Variants in GATAD2A observed in about 807,000 individuals in gnomAD.
GATAD2A encodes GATA zinc finger domain containing 2A, also known as transcriptional repressor p66-alpha.
GATAD2A carries 12 observed loss-of-function variants against 68.5 expected under a neutral mutation model. The observed-to-expected ratio is 0.18, with a 90% CI of 0.11 to 0.28. The LOEUF (loss-of-function observed/expected upper bound fraction) is 0.28. GATAD2A is among the 10% of genes least tolerant of loss of function. GATAD2A has a pLI of 1.00. For missense variants in GATAD2A, 755 were observed against 868.5 expected (o/e 0.87, Z 1.64); for synonymous variants, 410 against 375.3 (o/e 1.09, Z -1.07).
chr19:19,437,759 C>T (rs1281120107), intron 1 of GATAD2A, among the ~76,000 whole-genome samples: 1 of 152,160 alleles, frequency 6.6e-6, no homozygotes, highest in Middle Eastern at 3.2e-3. Flanking sequence ...TGCTTCTTTC[C>T]TTTTTATGGC....
chr19:19,458,175 G>A (rs2057109207), intron 1 of GATAD2A, among the ~76,000 whole-genome samples: 1 of 152,180 alleles, frequency 6.6e-6, no homozygotes, highest in Non-Finnish European at 1.5e-5. Context: ...GTAGACATCT[G>A]TTCTCCTTTT....
chr19:19,500,897 A>C (rs989256049), intron 8 of GATAD2A, among the ~76,000 whole-genome samples: 3 of 152,334 alleles, frequency 2.0e-5, no homozygotes, highest in Non-Finnish European at 2.9e-5. Flanking sequence ...GCTGGTCCTC[A>C]GTGGTGTCAT....
chr19:19,501,402 C>A lies in GATAD2A; in HGVS notation c.1489C>A (p.Pro497Thr), dbSNP rs2060510841. 1 of 1,599,584 alleles carries A rather than the reference C, an allele frequency of 6.3e-7. No homozygotes were observed. The highest frequency in any genetic ancestry group is 1.3e-5 in the African/African-American group (1 of 74,434). The change falls in exon 9 of 12, where the codon CCC (proline) becomes ACC (threonine). Residue 497 changes from proline to threonine, a missense_variant. Pro to Thr is a conservative substitution (Grantham distance 38, BLOSUM62 -1). Transcript: ENST00000683918. The stretch of plus-strand genomic sequence containing the variant: ...GGCCGAGCCCACCGCTGCCCCACAC[C>A]CCGTGCTGAAGCAGGTGAGCCTGGC... Reference protein sequence around the residue: ...AKAEPTAAPHPVLKQVIKPRR... With the variant: ...AKAEPTAAPHTVLKQVIKPRR...
chr19:19,436,277 C>T (rs2916077), intron 1 of GATAD2A: 41 of 933,234 alleles, frequency 4.4e-5, no homozygotes, highest in Middle Eastern at 5.0e-4. Context: ...CAGCAGGCTT[C>T]GGTCAGCTTC....
chr19:19,464,981 C>G (rs1406764132), intron 1 of GATAD2A: 2 of 337,204 alleles, frequency 5.9e-6, no homozygotes, highest in Non-Finnish European at 1.1e-5. Context: ...TAGTTGAGAT[C>G]TAGAACAACT....
intron 1 of GATAD2A, among the ~76,000 whole-genome samples, chr19:19,389,537 C>T (rs1850147000): frequency 6.6e-6 from 1 of 152,150 alleles, no homozygotes; most frequent in South Asian, 2.1e-4. Context: ...GAGCTATTTT[C>T]TTCTGGGGAG....
intron 2 of GATAD2A, among the ~76,000 whole-genome samples, chr19:19,475,220 T>C (rs117857580): frequency 6.6e-6 from 1 of 152,238 alleles, no homozygotes; most frequent in Non-Finnish European, 1.5e-5. Flanking sequence ...GATGGACTAA[T>C]GTGGCACAGC....
At chr19:19,475,122 C>T (rs923124851) in intron 2 of GATAD2A, among the ~76,000 whole-genome samples, 2 of 152,246 alleles carry the variant, frequency 1.3e-5, no homozygotes, top group Non-Finnish European at 2.9e-5. Flanking sequence ...GCTTCCACCC[C>T]CTGCTCTCAG....
intron 2 of GATAD2A, among the ~76,000 whole-genome samples, chr19:19,468,279 G>A (rs544083539): frequency 7.9e-5 from 12 of 152,366 alleles, no homozygotes; most frequent in African/African-American, 2.9e-4. Context: ...AAGGAGGACT[G>A]TTCATTTTAG....
chr19:19,447,603 A>C (rs963000635), intron 1 of GATAD2A, among the ~76,000 whole-genome samples: 1 of 152,192 alleles, frequency 6.6e-6, no homozygotes, highest in African/African-American at 2.4e-5. Context: ...AACCTGCTGC[A>C]AGGATTGTTT....
chr19:19,474,780 A>G (rs745888247), intron 2 of GATAD2A, among the ~76,000 whole-genome samples: 6 of 152,228 alleles, frequency 3.9e-5, no homozygotes, highest in Non-Finnish European at 7.4e-5. Flanking sequence ...TTTTCCCCCA[A>G]AATGGTCTGT....
At chr19:19,469,373 A>G (rs2058093662) in intron 2 of GATAD2A, among the ~76,000 whole-genome samples, 1 of 151,330 alleles carries the variant, frequency 6.6e-6, no homozygotes, top group East Asian at 2.0e-4. Context: ...CGGAGCTTGC[A>G]GTGAGCCAAG....
intron 2 of GATAD2A, among the ~76,000 whole-genome samples, chr19:19,479,096 C>T (rs1454990324): frequency 2.0e-5 from 3 of 152,158 alleles, no homozygotes; most frequent in East Asian, 3.9e-4. Context: ...GATCATTGTG[C>T]GTTTCCTCCT....
chr19:19,463,279 T>C (rs931927620), intron 1 of GATAD2A, among the ~76,000 whole-genome samples: 4 of 152,146 alleles, frequency 2.6e-5, no homozygotes, highest in Non-Finnish European at 5.9e-5. Context: ...CAGTGACTTA[T>C]CTGTGGTCTC....
intron 1 of GATAD2A, among the ~76,000 whole-genome samples, chr19:19,422,721 T>TG (rs2052570704): frequency 6.6e-6 from 1 of 151,722 alleles, no homozygotes; most frequent in African/African-American, 2.4e-5. Flanking sequence ...TTGTTGTTTT[T>TG]TTTTTTTTGA....
At chr19:19,410,146 G>T (rs922405069) in intron 1 of GATAD2A, among the ~76,000 whole-genome samples, 1 of 152,140 alleles carries the variant, frequency 6.6e-6, no homozygotes, top group African/African-American at 2.4e-5. Flanking sequence ...ACCTTCACAG[G>T]TGAGTTTGTC....
At chr19:19,444,139 C>T (rs555686232) in intron 1 of GATAD2A, among the ~76,000 whole-genome samples, 10 of 152,260 alleles carry the variant, frequency 6.6e-5, no homozygotes, top group Non-Finnish European at 2.9e-5. Flanking sequence ...CTTCCTGTCG[C>T]CTCCCTGCTC....
At chr19:19,453,009 C>T (rs531590238) in intron 1 of GATAD2A, among the ~76,000 whole-genome samples, 4 of 152,330 alleles carry the variant, frequency 2.6e-5, no homozygotes, top group East Asian at 1.9e-4. Context: ...CCGGGAAGCC[C>T]GTGCCCTGTG....
chr19:19,445,478 A>AT (rs1033215346), intron 1 of GATAD2A, among the ~76,000 whole-genome samples: 2 of 152,200 alleles, frequency 1.3e-5, no homozygotes, highest in Admixed American at 1.3e-4. Context: ...CATTTAACCC[A>AT]TTCACAGTAT....
Sources: allele counts gnomAD v4.1 joint callset (sites outside exome capture counted in the v4.1 genomes callset), GRCh38; gene constraint gnomAD v4.1.1; transcripts MANE v1.5; gene names NCBI Gene and HGNC (gene_info 2026-07-23, HGNC 2026-07-21).